SPEF2: variants seen among roughly 807,000 people sequenced by gnomAD.
SPEF2 encodes sperm flagellar and cilia associated 2.
Under a neutral mutation model 224.6 loss-of-function variants are expected in SPEF2, and 187 were observed. The observed-to-expected ratio is 0.83, with a 90% CI of 0.74 to 0.94. The LOEUF is 0.94. SPEF2 is among the 40% of genes least tolerant of loss of function. The pLI is 0.00. For missense variants in SPEF2, 2,170 were observed against 2,135.6 expected (o/e 1.02, Z -0.32); for synonymous variants, 715 against 707.3 (o/e 1.01, Z -0.17).
At chr5:35,634,537 T>A (rs1745563001) in intron 2 of SPEF2, among the ~76,000 whole-genome samples, 1 of 152,114 alleles carries the variant, frequency 6.6e-6, no homozygotes, top group Admixed American at 6.5e-5. Context: ...TGGATCCATA[T>A]CTTTCATCAC....
At chr5:35,671,142 C>A (rs1751173582) in intron 10 of SPEF2, 1 of 985,212 alleles carries the variant, frequency 1.0e-6, no homozygotes, top group Non-Finnish European at 1.2e-6. Context: ...TGAAAAAAAT[C>A]TATGAAAAGA....
Position 35,700,630 on chromosome 5 carries a change from C to T in SPEF2, c.2276C>T (p.Ser759Phe), listed in dbSNP as rs762701572. 1.1e-5 allele frequency: 17 copies of T among 1,613,872 alleles called. No homozygotes were observed. The African/African-American group carries it at 1.2e-4, about 11-fold the overall frequency. ...GTGGAAAGAAAAAAAGCACAAAAAT[C>T]CACATTGGCTATTGATCCTGCGACT... Reference protein sequence around the residue: ...TEVERKKAQKSTLAIDPATSK... With the variant: ...TEVERKKAQKFTLAIDPATSK... Residue 759 changes from serine (S) to phenylalanine (F), a missense_variant, in exon 16 of 37, where the codon TCC (serine) becomes TTC (phenylalanine). Transcript: ENST00000356031.
intron 6 of SPEF2, among the ~76,000 whole-genome samples, chr5:35,652,002 AT>A (rs1412303810): frequency 6.6e-6 from 1 of 152,132 alleles, no homozygotes. Context: ...GGGTTAATAT[AT>A]TTGTCAGAGG....
chr5:35,634,714 T>G (rs981955766), intron 2 of SPEF2, among the ~76,000 whole-genome samples: 6 of 152,098 alleles, frequency 3.9e-5, no homozygotes, highest in African/African-American at 9.7e-5. Flanking sequence ...TAGAACAGTT[T>G]TAGATTTACA....
At chr5:35,746,385 G>T (rs972641845) in intron 23 of SPEF2, among the ~76,000 whole-genome samples, 6 of 152,150 alleles carry the variant, frequency 3.9e-5, no homozygotes, top group African/African-American at 1.2e-4. Flanking sequence ...AGGCACCAGA[G>T]AAAGGCAAAG....
intron 5 of SPEF2, among the ~76,000 whole-genome samples, chr5:35,648,313 A>G (rs1747691044): frequency 6.6e-6 from 1 of 151,874 alleles, no homozygotes; most frequent in Non-Finnish European, 1.5e-5. Flanking sequence ...AGAGGCTTTT[A>G]TCTGACTCCA....
intron 32 of SPEF2, 62 bp downstream of exon 32, chr5:35,793,403 TACTC>T: frequency 2.6e-6 from 4 of 1,517,542 alleles, no homozygotes; most frequent in Non-Finnish European, 8.9e-7. Flanking sequence ...AGAAGTGAAT[TACTC>T]AATGATGTTA....
intron 10 of SPEF2, among the ~76,000 whole-genome samples, chr5:35,682,809 G>A (rs1471364093): frequency 6.6e-6 from 1 of 152,172 alleles, no homozygotes; most frequent in African/African-American, 2.4e-5. Context: ...GGGTGAATGA[G>A]GAAGCTCCAT....
intron 28 of SPEF2, among the ~76,000 whole-genome samples, chr5:35,775,392 C>T (rs935247363): frequency 1.3e-5 from 2 of 151,852 alleles, no homozygotes; most frequent in South Asian, 2.1e-4. Context: ...GAAAAATTGG[C>T]GTGAGAATGA....
At chr5:35,679,800 C>T (rs1752538113) in intron 10 of SPEF2, among the ~76,000 whole-genome samples, 1 of 152,160 alleles carries the variant, frequency 6.6e-6, no homozygotes, top group Non-Finnish European at 1.5e-5. Flanking sequence ...TGGCATCTTT[C>T]AGGCTACTTA....
chr5:35,671,179 G>T (rs528350733), intron 10 of SPEF2: 8 of 985,294 alleles, frequency 8.1e-6, no homozygotes, highest in African/African-American at 1.7e-5. Context: ...TTCACTGATA[G>T]TACATACTCA....
chr5:35,671,309 G>A, intron 10 of SPEF2: 2 of 963,760 alleles, frequency 2.1e-6, no homozygotes, highest in Non-Finnish European at 2.5e-6. Flanking sequence ...TAAAAGATAA[G>A]GAAAAATATG....
Position 35,644,519 on chromosome 5 carries a change from T to C in SPEF2, c.579T>C (p.Ile193=), listed in dbSNP as rs7706444. 0.67 allele frequency: 1,059,588 copies of C among 1,591,038 alleles called. 356,525 individuals are homozygous for C. The highest frequency in any genetic ancestry group is 0.87 in the East Asian group (39,010 of 44,644). The change falls in exon 4 of 37, where the codon ATT becomes ATC. Residue 193 remains isoleucine (I), a synonymous_variant. Transcript: ENST00000356031. ...KLKEEQRCFD[I]EKQYLNRRRQ... ...AGGAAGAGCAAAGATGTTTTGATAT[T>C]GAAAAGGTTCTATAGAACTATTTTT... is the stretch of plus-strand genomic sequence containing the variant.
chr5:35,697,568 C>A, intron 14 of SPEF2, 122 bp from the exon 15 acceptor site: 1 of 714,766 alleles, frequency 1.4e-6, no homozygotes, highest in Non-Finnish European at 2.3e-6. Flanking sequence ...GACTCCCGAA[C>A]TGTGCCACAT....
At chr5:35,749,508 C>G (rs1450582682) in intron 23 of SPEF2, among the ~76,000 whole-genome samples, 1 of 152,068 alleles carries the variant, frequency 6.6e-6, no homozygotes, top group African/African-American at 2.4e-5. Context: ...AGCAAAGTTT[C>G]CGGATACAAG....
chr5:35,669,504 AT>A (rs1291427095), intron 9 of SPEF2, among the ~76,000 whole-genome samples: 3 of 151,856 alleles, frequency 2.0e-5, no homozygotes, highest in Non-Finnish European at 2.9e-5. Flanking sequence ...GTACGCAATT[AT>A]TTTTTCCCCT....
rs941892614 is a variant in SPEF2, at chr5:35,694,218, A to G, written c.1900-70A>G. On this transcript the variant is annotated intron_variant, in intron 12 of 36. Coordinates refer to ENST00000356031, the MANE Select transcript of SPEF2 (RefSeq NM_024867.4). ...TGTTCTCAAACCTTTACTTATAGAT[A>G]TAAAATTAGGAGGATTATTAAAATA... The G allele has an allele frequency of 7.6e-6, 9 of 1,186,878 alleles. No individual in the cohort carries two copies. The African/African-American group carries it at 1.4e-4, about 18-fold the overall frequency. The allele number at this position is 1,186,878 out of a possible 1,614,324, so 73.5% of individuals were successfully genotyped here.
At chr5:35,715,481 C>T (rs1742361654) in intron 20 of SPEF2, among the ~76,000 whole-genome samples, 3 of 151,972 alleles carry the variant, frequency 2.0e-5, no homozygotes, top group African/African-American at 7.2e-5. Flanking sequence ...AATATTATGC[C>T]CACTACATCA....
chr5:35,677,029 G>A lies in SPEF2; in HGVS notation c.1524+6802G>A, dbSNP rs1187045794. On this transcript the variant is annotated intron_variant, in intron 10 of 36. Coordinates refer to ENST00000356031, the MANE Select transcript of SPEF2 (RefSeq NM_024867.4). ...TTGGGGGTGGCTTATACCTCTTTGA[G>A]GTATCAATCTTAGCAGTGAAATAAA... Among the ~76,000 whole-genome samples, 3 of 152,122 alleles carry A rather than the reference G, an allele frequency of 2.0e-5. No homozygotes were observed. The East Asian group carries it at 5.8e-4, about 29-fold the overall frequency.
Sources: gnomAD v4.1 joint callset for allele counts (sites outside exome capture counted in the v4.1 genomes callset) on GRCh38, gnomAD v4.1.1 for gene constraint, MANE v1.5 for transcripts, NCBI Gene and HGNC (gene_info 2026-07-23, HGNC 2026-07-21) for gene names.